Variants in CD207 observed in about 807,000 individuals in gnomAD.
CD207 encodes the protein C-type lectin domain family 4 member K.
A neutral mutation model predicts 31.6 loss-of-function variants in CD207; 28 were observed. The observed-to-expected ratio is 0.89, with a 90% CI of 0.66 to 1.21. The LOEUF is 1.21. CD207 is among the 50% of genes most tolerant of loss of function. The pLI is 0.00. For synonymous variants in CD207, 168 were observed against 153.9 expected, an observed-to-expected ratio of 1.09 and a Z score of -0.68; for missense variants, 388 against 397.8, an observed-to-expected ratio of 0.98 and a Z score of 0.21.
chr2:70,826,556 T>C (rs190907585), downstream of CD207, among the ~76,000 whole-genome samples: 286 of 152,160 alleles, frequency 1.9e-3, no homozygotes, highest in Non-Finnish European at 3.5e-3. Flanking sequence ...TTTTTGTATT[T>C]TTTGTGGAGA....
At position 70,831,179 on chromosome 2, in the gene CD207, G is replaced by C. The variant is rs1553399689; in HGVS notation, c.858C>G (p.Pro286=). ...QSVRFWIPGE[P]NNAGNNEHCG... ...AGTGTTCATTGTTCCCAGCATTGTTGGGCTCACCTGGAATCCAGAACCTAC... is the reference window on the plus strand; with the variant it reads ...AGTGTTCATTGTTCCCAGCATTGTTCGGCTCACCTGGAATCCAGAACCTAC... The change falls in exon 6 of 6, where the codon CCC becomes CCG. Residue 286 remains proline, a synonymous_variant. Coordinates refer to ENST00000410009, the MANE Select transcript of CD207 (RefSeq NM_015717.5). 6.2e-7 allele frequency: 1 copy of C among 1,613,694 alleles called. No individual in the cohort carries two copies. The highest frequency in any genetic ancestry group is 1.1e-5 in the South Asian group (1 of 91,026).
intron 2 of CD207, among the ~76,000 whole-genome samples, chr2:70,835,090 C>G (rs1222258179): frequency 6.6e-6 from 1 of 152,112 alleles, no homozygotes; most frequent in Non-Finnish European, 1.5e-5. Context: ...ACATGAGGCT[C>G]GGTCCTTCAC....
intron 3 of CD207, 102 bp downstream of exon 3, chr2:70,833,544 C>A: frequency 1.5e-6 from 2 of 1,345,530 alleles, no homozygotes; most frequent in South Asian, 1.6e-5. Flanking sequence ...CTTTTGCCCC[C>A]ACTCTCCTCC....
At chr2:70,831,608 C>A in intron 5 of CD207, 93 bp downstream of exon 5, 1 of 813,786 alleles carries the variant, frequency 1.2e-6, no homozygotes, top group Non-Finnish European at 2.2e-6. Flanking sequence ...GAATCAGAAA[C>A]CCTGTCTCAT....
At chr2:70,832,245 G>A (rs1677493555) in intron 4 of CD207, among the ~76,000 whole-genome samples, 1 of 152,166 alleles carries the variant, frequency 6.6e-6, no homozygotes, top group Admixed American at 6.5e-5. Flanking sequence ...CATCAAGTGA[G>A]GGCCAGTGAA....
downstream of CD207, among the ~76,000 whole-genome samples, chr2:70,829,599 T>A (rs1046810070): frequency 2.0e-5 from 3 of 152,276 alleles, no homozygotes; most frequent in African/African-American, 4.8e-5. Context: ...CAAGGATATA[T>A]CTGGTGAGAG....
At chr2:70,832,568 A>T (rs1233964778) in intron 4 of CD207, among the ~76,000 whole-genome samples, 1 of 152,210 alleles carries the variant, frequency 6.6e-6, no homozygotes, top group East Asian at 1.9e-4. Flanking sequence ...TACTTAACTT[A>T]ATTAACATAA....
chr2:70,834,098 G>A (rs1677548151), intron 2 of CD207, 78 bp from the exon 3 acceptor site: 1 of 1,315,794 alleles, frequency 7.6e-7, no homozygotes, highest in Non-Finnish European at 1.0e-6. Context: ...GTTGATCAAA[G>A]GAAGGGAAGG....
intron 4 of CD207, among the ~76,000 whole-genome samples, chr2:70,832,264 A>G (rs1677494291): frequency 6.6e-6 from 1 of 152,210 alleles, no homozygotes; most frequent in Non-Finnish European, 1.5e-5. Flanking sequence ...AAGTTTGCCC[A>G]GTGAAGTTGG....
downstream of CD207, among the ~76,000 whole-genome samples, chr2:70,825,596 T>A (rs924454391): frequency 1.3e-5 from 2 of 152,276 alleles, no homozygotes; most frequent in East Asian, 3.9e-4. Flanking sequence ...TGGAGTACAG[T>A]GGCGTGATTA....
chr2:70,835,473 T>G lies in CD207; in HGVS notation c.190+18A>C. 1 of 1,582,628 alleles carries G rather than the reference T, an allele frequency of 6.3e-7. No homozygotes were observed. The highest frequency in any genetic ancestry group is 8.7e-7 in the Non-Finnish European group (1 of 1,152,962). On this transcript the variant is annotated intron_variant, in intron 2 of 5. Transcript: ENST00000410009. ...ACAGAGAGGGGCTAAGCCCAGACGA[T>G]GAAACATGAGGACTTACAAAGGACG...
chr2:70,830,026 T>C (rs1677430249), downstream of CD207, among the ~76,000 whole-genome samples: 1 of 152,188 alleles, frequency 6.6e-6, no homozygotes, highest in Admixed American at 6.5e-5. Flanking sequence ...TCTACTTTAA[T>C]AAAAACTAGA....
downstream of CD207, among the ~76,000 whole-genome samples, chr2:70,827,777 A>AGAAG (rs1558625662): frequency 1.4e-5 from 2 of 140,104 alleles, no homozygotes; most frequent in Non-Finnish European, 3.1e-5. Flanking sequence ...AGAATGACAA[A>AGAAG]GAGAAAATGA....
chr2:70,833,576 CT>C, intron 3 of CD207, 69 bp downstream of exon 3: 1 of 1,470,426 alleles, frequency 6.8e-7, no homozygotes, highest in Non-Finnish European at 9.0e-7. Flanking sequence ...GCCCAATGGC[CT>C]CAGGTCTGGG....
chr2:70,834,029 G>T lies in CD207; in HGVS notation c.191-9C>A, dbSNP rs1553400495. ...GCCCATAAACCGGGGATCTGGGATT[G>T]AGAAAGTCAGGAGGTCAGCTGAGGG... On this transcript the variant is annotated splice_polypyrimidine_tract_variant and intron_variant, in intron 2 of 5. Transcript: ENST00000410009. 1.9e-5 allele frequency: 29 copies of T among 1,504,264 alleles called. No homozygotes were observed. The highest frequency in any genetic ancestry group is 2.6e-5 in the Non-Finnish European group (29 of 1,128,108). The allele number at this position is 1,504,264 out of a possible 1,614,324, so 93.2% of individuals were successfully genotyped here.
chr2:70,833,417 T>C (rs1677526000), intron 3 of CD207, among the ~76,000 whole-genome samples: 1 of 152,116 alleles, frequency 6.6e-6, no homozygotes, highest in South Asian at 2.1e-4. Context: ...GCTTTTACAT[T>C]CTGCACTTTT....
chr2:70,825,242 C>A (rs1677317473), downstream of CD207, among the ~76,000 whole-genome samples: 1 of 152,106 alleles, frequency 6.6e-6, no homozygotes, highest in African/African-American at 2.4e-5. Flanking sequence ...TCTTCAAAAA[C>A]AAGGAAAGAC....
intron 5 of CD207, among the ~76,000 whole-genome samples, chr2:70,831,445 A>C (rs1553399752): frequency 1.3e-5 from 2 of 152,130 alleles, no homozygotes; most frequent in Non-Finnish European, 1.5e-5. Context: ...CACTGTGAAG[A>C]CCTAGACTCA....
At chr2:70,826,024 T>C (rs1677336057), downstream of CD207, among the ~76,000 whole-genome samples, 1 of 151,936 alleles carries the variant, frequency 6.6e-6, no homozygotes, top group Non-Finnish European at 1.5e-5. Flanking sequence ...GGTGCACACC[T>C]GAGGTTCCAG....
Sources: allele counts gnomAD v4.1 joint callset (sites outside exome capture counted in the v4.1 genomes callset), GRCh38; gene constraint gnomAD v4.1.1; transcripts MANE v1.5; gene names NCBI Gene and HGNC (gene_info 2026-07-23, HGNC 2026-07-21).